Variants in NTRK3 observed in about 807,000 individuals in gnomAD.
NTRK3 encodes the protein neurotrophic receptor tyrosine kinase 3, also known as NT-3 growth factor receptor.
Under a neutral mutation model 91.7 loss-of-function variants are expected in NTRK3, and 24 were observed. That is an observed-to-expected ratio of 0.26 (90% CI 0.19 to 0.37). The LOEUF is 0.37. NTRK3 is among the 10% of genes least tolerant of loss of function. NTRK3 has a pLI of 1.00. For synonymous variants in NTRK3, 483 were observed against 404.0 expected (o/e 1.20, Z -2.34); for missense variants, 880 against 1,068.9 (o/e 0.82, Z 2.46).
intron 3 of NTRK3, among the ~76,000 whole-genome samples, chr15:88,246,484 A>G (rs1260619138): frequency 6.6e-6 from 1 of 152,204 alleles, no homozygotes; most frequent in Non-Finnish European, 1.5e-5. Context: ...CACTTCAGCC[A>G]GGGCATCAGA....
intron 13 of NTRK3, among the ~76,000 whole-genome samples, chr15:88,050,102 TA>T (rs2080672217): frequency 1.3e-5 from 2 of 152,224 alleles, no homozygotes; most frequent in Non-Finnish European, 2.9e-5. Flanking sequence ...GAATTTTTTT[TA>T]ATGCAGTTAA....
intron 3 of NTRK3, among the ~76,000 whole-genome samples, chr15:88,200,488 G>A (rs1347495640): frequency 3.9e-5 from 6 of 152,180 alleles, no homozygotes; most frequent in Admixed American, 3.9e-4. Flanking sequence ...GTCATGGAAG[G>A]GACCCTGTGG....
At position 88,141,501 on chromosome 15, in the gene NTRK3, C is replaced by T. The variant is rs529661288; in HGVS notation, c.465-3940G>A. ...CCCTGCTAGAATGACAAGGAGGGTC[C>T]AGATGCTTGAATATATGTGAACTGA... On this transcript the variant is annotated intron_variant, in intron 6 of 18. Coordinates refer to ENST00000394480, the Ensembl canonical transcript of NTRK3. 4.6e-5 allele frequency among the ~76,000 whole-genome samples: 7 copies of T among 152,318 alleles called. No individual in the cohort carries two copies. In the South Asian group the frequency reaches 1.5e-3, roughly 32 times the overall value.
At chr15:87,889,439 T>C (rs548671188) in intron 17 of NTRK3, among the ~76,000 whole-genome samples, 7 of 143,418 alleles carry the variant, frequency 4.9e-5, no homozygotes, top group African/African-American at 1.9e-4. Context: ...AGTCTCACTC[T>C]TGTTGCCCAG....
At chr15:88,067,492 GT>G (rs984065448) in intron 13 of NTRK3, among the ~76,000 whole-genome samples, 1 of 152,140 alleles carries the variant, frequency 6.6e-6, no homozygotes, top group African/African-American at 2.4e-5. Context: ...AGGGGGATGG[GT>G]TTTGCCTGCA....
rs200793352 is a variant in NTRK3, at chr15:87,992,442, C to T, written c.1585+40415G>A. Among the ~76,000 whole-genome samples, 31 of 152,304 alleles carry T rather than the reference C, an allele frequency of 2.0e-4. 1 individual carries two copies. In the East Asian group the frequency reaches 5.8e-3, roughly 28 times the overall value. On this transcript the variant is annotated intron_variant, in intron 14 of 18. Coordinates refer to ENST00000394480, the Ensembl canonical transcript of NTRK3. ...TCCACTCTCTGTATAAGCCACTTGG[C>T]AGTTAATTGTTCATTTCTGTTTGAT...
rs1402875398 is a variant in NTRK3 at position 88,240,558 on chromosome 15, G to C, written c.248+15348C>G. Reference sequence around the variant, plus strand: ...GCTTACTGTGGAGGAGGCTGGGGCTGGCAGGAAATGGAAAGGGGTCTGTAA... The same window carrying C: ...GCTTACTGTGGAGGAGGCTGGGGCTCGCAGGAAATGGAAAGGGGTCTGTAA... On this transcript the variant is annotated intron_variant, in intron 3 of 18. Transcript: ENST00000394480. The surrounding 1 kb of genome is among the most constrained non-coding windows in gnomAD (Gnocchi z 4.9). Among the ~76,000 whole-genome samples the C allele has an allele frequency of 1.3e-5, 2 of 152,190 alleles. No homozygotes were observed. The highest frequency in any genetic ancestry group is 2.9e-5 in the Non-Finnish European group (2 of 68,036).
chr15:88,000,634 T>G (rs899307980), intron 14 of NTRK3, among the ~76,000 whole-genome samples: 3 of 152,230 alleles, frequency 2.0e-5, no homozygotes, highest in Non-Finnish European at 2.9e-5. Context: ...GAATCTAGCT[T>G]CTTTCACTTG....
chr15:87,953,535 A>G (rs1432539684), intron 14 of NTRK3, among the ~76,000 whole-genome samples: 1 of 152,186 alleles, frequency 6.6e-6, no homozygotes, highest in Non-Finnish European at 1.5e-5. Context: ...GGTCAGTGGA[A>G]AATAGAGAAG....
At chr15:88,166,807 C>T (rs1270927678) in intron 5 of NTRK3, among the ~76,000 whole-genome samples, 1 of 152,144 alleles carries the variant, frequency 6.6e-6, no homozygotes, top group Non-Finnish European at 1.5e-5. Flanking sequence ...GTTACATAAC[C>T]TCTCTGAGCC....
intron 13 of NTRK3, among the ~76,000 whole-genome samples, chr15:88,110,460 A>G (rs760679643): frequency 1.3e-5 from 2 of 152,166 alleles, no homozygotes; most frequent in Admixed American, 6.5e-5. Context: ...TTATATCTTC[A>G]CCACAGTAGT....
chr15:87,869,852 A>G (rs540374997), exon 19 of NTRK3: 1 of 193,834 alleles, frequency 5.2e-6, no homozygotes, highest in African/African-American at 2.3e-5. Flanking sequence ...AAAAAAATTG[A>G]ATGTGTCCTA....
chr15:88,047,434 A>G (rs981105728), intron 13 of NTRK3, among the ~76,000 whole-genome samples: 7 of 152,332 alleles, frequency 4.6e-5, no homozygotes, highest in Admixed American at 2.0e-4. Context: ...ACCAAGGGAA[A>G]AAAAAAGTCC....
At chr15:87,916,773 T>A (rs968966680) in intron 17 of NTRK3, among the ~76,000 whole-genome samples, 1 of 152,110 alleles carries the variant, frequency 6.6e-6, no homozygotes, top group African/African-American at 2.4e-5. Flanking sequence ...AAGGCTTTTT[T>A]TTTTTTTAGA....
At chr15:87,868,313 G>A (rs1317682640) in exon 19 of NTRK3, 7 of 227,516 alleles carry the variant, frequency 3.1e-5, no homozygotes, top group East Asian at 1.3e-4. Flanking sequence ...GATTGCCTCC[G>A]TATGATTTTT....
intron 5 of NTRK3, among the ~76,000 whole-genome samples, chr15:88,160,682 G>T (rs759672660): frequency 6.6e-6 from 1 of 152,186 alleles, no homozygotes. Flanking sequence ...TGGGGATCAC[G>T]TGAGGAACAA....
At chr15:88,133,358 C>A (rs1352536929) in intron 10 of NTRK3, among the ~76,000 whole-genome samples, 2 of 152,164 alleles carry the variant, frequency 1.3e-5, no homozygotes, top group Non-Finnish European at 2.9e-5. Flanking sequence ...CATCATCCAA[C>A]TGCTGCTGCT....
chr15:88,240,053 GACACAC>G lies in NTRK3; in HGVS notation c.248+15847_248+15852del, dbSNP rs74267908. On this transcript the variant is annotated intron_variant, in intron 3 of 18. Coordinates refer to ENST00000394480, the Ensembl canonical transcript of NTRK3. This position sits in a 1 kb window ranked among gnomAD's most constrained non-coding sequence, Gnocchi z 4.9. The stretch of plus-strand genomic sequence containing the variant: ...ATATACACACACAGCGACACACACA[GACACAC>G]ACACACACACACACAGGAACAAGGT... 6.7e-6 allele frequency among the ~76,000 whole-genome samples: 1 copy of G among 148,896 alleles called. No homozygotes were observed. The highest frequency in any genetic ancestry group is 2.5e-5 in the African/African-American group (1 of 40,550).
intron 13 of NTRK3, among the ~76,000 whole-genome samples, chr15:88,074,778 G>A (rs774509508): frequency 2.6e-5 from 4 of 152,136 alleles, no homozygotes; most frequent in African/African-American, 9.7e-5. Flanking sequence ...CTTGGGATTC[G>A]AATTGACAGA....
Sources: gnomAD v4.1 joint callset for allele counts (sites outside exome capture counted in the v4.1 genomes callset) on GRCh38, gnomAD v4.1.1 for gene constraint, Gnocchi (gnomAD v3.1) non-coding constraint, MANE v1.5 for transcripts, NCBI Gene and HGNC (gene_info 2026-07-23, HGNC 2026-07-21) for gene names.